The following RBPMS variants were observed in gnomAD, a reference collection of about 807,000 sequenced individuals.
RBPMS encodes RNA-binding protein with multiple splicing.
A neutral mutation model predicts 26.8 loss-of-function variants in RBPMS; 7 were observed. That is an observed-to-expected ratio of 0.26 (90% CI 0.15 to 0.49). RBPMS has a LOEUF of 0.49. RBPMS is among the 20% of genes least tolerant of loss of function. The pLI, the probability that RBPMS is intolerant of heterozygous loss-of-function variation, is 0.98. For missense variants in RBPMS, 186 were observed against 250.0 expected (o/e 0.74, Z 1.73); for synonymous variants, 96 against 93.3 (o/e 1.03, Z -0.17).
chr8:30,472,841 C>T (rs1275393248), intron 1 of RBPMS, among the ~76,000 whole-genome samples: 5 of 152,032 alleles, frequency 3.3e-5, no homozygotes, highest in Non-Finnish European at 7.4e-5. Flanking sequence ...TGTGGGAGGC[C>T]GAGATGGGAG....
chr8:30,542,451 G>A (rs1272675701), intron 5 of RBPMS, among the ~76,000 whole-genome samples: 1 of 152,118 alleles, frequency 6.6e-6, no homozygotes, highest in Admixed American at 6.5e-5. Context: ...TACTGATCAG[G>A]TAACCACCTC....
At chr8:30,512,603 T>C (rs1821834921) in intron 5 of RBPMS, among the ~76,000 whole-genome samples, 1 of 152,142 alleles carries the variant, frequency 6.6e-6, no homozygotes, top group South Asian at 2.1e-4. Context: ...CGAGTGATCC[T>C]CCTGCCTCAG....
intron 1 of RBPMS, among the ~76,000 whole-genome samples, chr8:30,455,196 C>G (rs1815059614): frequency 6.6e-6 from 1 of 152,122 alleles, no homozygotes; most frequent in African/African-American, 2.4e-5. Flanking sequence ...AGAAGGGAGT[C>G]TTTTCCTCTT....
chr8:30,466,039 CT>C (rs1816458171), intron 1 of RBPMS, among the ~76,000 whole-genome samples: 1 of 152,082 alleles, frequency 6.6e-6, no homozygotes, highest in South Asian at 2.1e-4. Flanking sequence ...TCCCATTATC[CT>C]ACCAAAAACT....
chr8:30,531,213 G>T (rs1824192321), intron 5 of RBPMS, among the ~76,000 whole-genome samples: 1 of 152,034 alleles, frequency 6.6e-6, no homozygotes, highest in South Asian at 2.1e-4. Flanking sequence ...AGGGGACCTT[G>T]CCTGCACTGG....
intron 1 of RBPMS, among the ~76,000 whole-genome samples, chr8:30,462,414 A>G (rs915041665): frequency 7.9e-5 from 12 of 151,864 alleles, no homozygotes; most frequent in Non-Finnish European, 1.6e-4. Flanking sequence ...GTAACATTAT[A>G]CTTTTTTGTT....
intron 5 of RBPMS, among the ~76,000 whole-genome samples, chr8:30,516,954 T>C (rs1463396072): frequency 7.3e-6 from 1 of 137,248 alleles, no homozygotes; most frequent in African/African-American, 2.7e-5. Flanking sequence ...TGTGAATTGA[T>C]TTTTTTAATA....
At chr8:30,431,783 T>C (rs181404093) in intron 1 of RBPMS, among the ~76,000 whole-genome samples, 82 of 152,098 alleles carry the variant, frequency 5.4e-4, no homozygotes, top group South Asian at 3.3e-3. Context: ...TATCAGTATA[T>C]TTATTCCTGA....
At chr8:30,526,724 G>GCT (rs1385458394) in intron 5 of RBPMS, among the ~76,000 whole-genome samples, 1 of 152,174 alleles carries the variant, frequency 6.6e-6, no homozygotes, top group Non-Finnish European at 1.5e-5. Flanking sequence ...ATTTTACCAA[G>GCT]CTAGGGGTGA....
At chr8:30,501,147 TC>T (rs914662547) in intron 4 of RBPMS, among the ~76,000 whole-genome samples, 1 of 151,682 alleles carries the variant, frequency 6.6e-6, no homozygotes, top group Admixed American at 6.6e-5. Flanking sequence ...GATCATATTA[TC>T]CCCCCCATTT....
intron 4 of RBPMS, among the ~76,000 whole-genome samples, chr8:30,497,844 G>T (rs986528518): frequency 6.6e-6 from 1 of 151,640 alleles, no homozygotes; most frequent in Admixed American, 6.6e-5. Context: ...GGTTGGTCTC[G>T]ATCTCCTGAC....
rs1285971987 is a variant in RBPMS, at chr8:30,474,093, A to AC, written c.67-686_67-685insC. ...ATGTACCCCAGTACTTAAAATTTAA[A>AC]AAACAACAACAACAACAAAAATGCA... is the stretch of plus-strand genomic sequence containing the variant. On this transcript the variant is annotated intron_variant, in intron 1 of 8. Transcript: ENST00000397323. Among the ~76,000 whole-genome samples, 3 of 140,698 alleles carry AC rather than the reference A, an allele frequency of 2.1e-5. No individual in the cohort carries two copies. In the East Asian group the frequency reaches 7.0e-4, roughly 33 times the overall value. The allele number at this position is 140,698 out of a possible 152,430, so 92.3% of individuals were successfully genotyped here.
At chr8:30,389,388 T>C (rs1807508674) in intron 1 of RBPMS, among the ~76,000 whole-genome samples, 1 of 152,210 alleles carries the variant, frequency 6.6e-6, no homozygotes, top group African/African-American at 2.4e-5. Context: ...GGGTGGAAGT[T>C]CTCTTCTGGA....
chr8:30,421,238 A>G (rs2150622781), intron 1 of RBPMS, among the ~76,000 whole-genome samples: 1 of 152,244 alleles, frequency 6.6e-6, no homozygotes, highest in South Asian at 2.1e-4. Flanking sequence ...CAAACCTGAT[A>G]GCATCTAGGG....
intron 4 of RBPMS, among the ~76,000 whole-genome samples, chr8:30,487,030 A>T (rs1818864781): frequency 6.6e-6 from 1 of 152,202 alleles, no homozygotes; most frequent in Non-Finnish European, 1.5e-5. Context: ...TCTGTTATAA[A>T]TGTAAATAGA....
intron 4 of RBPMS, among the ~76,000 whole-genome samples, chr8:30,492,489 G>T (rs1329942341): frequency 6.6e-6 from 1 of 152,004 alleles, no homozygotes; most frequent in African/African-American, 2.4e-5. Context: ...TATCTTTAAA[G>T]GATCTAGATC....
At chr8:30,455,791 G>A (rs893544364) in intron 1 of RBPMS, among the ~76,000 whole-genome samples, 2 of 152,196 alleles carry the variant, frequency 1.3e-5, no homozygotes, top group Admixed American at 6.5e-5. Context: ...TCGGGAGGCT[G>A]AGTCGGGAGA....
chr8:30,478,596 T>G (rs2150842281), intron 3 of RBPMS, among the ~76,000 whole-genome samples: 1 of 151,360 alleles, frequency 6.6e-6, no homozygotes, highest in South Asian at 2.1e-4. Context: ...GCCTCCCAGG[T>G]TCAAGTGATT....
intron 1 of RBPMS, among the ~76,000 whole-genome samples, chr8:30,454,405 A>G (rs1814956015): frequency 6.6e-6 from 1 of 152,204 alleles, no homozygotes; most frequent in African/African-American, 2.4e-5. Flanking sequence ...CATGAAGTAC[A>G]TTAGGGGTAT....
Sources: gnomAD v4.1 joint callset for allele counts (sites outside exome capture counted in the v4.1 genomes callset) on GRCh38, gnomAD v4.1.1 for gene constraint, MANE v1.5 for transcripts, NCBI Gene and HGNC (gene_info 2026-07-23, HGNC 2026-07-21) for gene names.